Variants in ANKRD17 observed in about 807,000 individuals in gnomAD.
ANKRD17 encodes the protein ankyrin repeat domain-containing protein 17.
Under a neutral mutation model 229.7 loss-of-function variants are expected in ANKRD17, and 19 were observed. That is an observed-to-expected ratio of 0.08 (90% confidence interval 0.06 to 0.12). ANKRD17 has a LOEUF of 0.12. Ranked by LOEUF, ANKRD17 falls within the 10% of genes least tolerant of loss-of-function variation. The pLI is 1.00. For missense variants in ANKRD17, 2,176 were observed against 3,176.8 expected (o/e 0.68, Z 7.57); for synonymous variants, 1,112 against 1,146.1 (o/e 0.97, Z 0.60).
chr4:73,236,342 A>G (rs1470493933), intron 1 of ANKRD17, among the ~76,000 whole-genome samples: 1 of 152,026 alleles, frequency 6.6e-6, no homozygotes, highest in African/African-American at 2.4e-5. Context: ...TTTTGTAGAG[A>G]TGGTTACTGC....
intron 1 of ANKRD17, among the ~76,000 whole-genome samples, chr4:73,215,528 G>A (rs1740909327): frequency 1.3e-5 from 2 of 152,184 alleles, no homozygotes; most frequent in African/African-American, 4.8e-5. Context: ...AAAGTGCTGG[G>A]ATTATAGGTG....
chr4:73,089,534 A>G (rs1277232327), intron 29 of ANKRD17, among the ~76,000 whole-genome samples: 2 of 152,168 alleles, frequency 1.3e-5, no homozygotes, highest in Non-Finnish European at 2.9e-5. Context: ...GAAAAAGGAT[A>G]TTACTTGAAA....
At chr4:73,093,648 AC>A (rs955313564) in intron 28 of ANKRD17, among the ~76,000 whole-genome samples, 17 of 152,312 alleles carry the variant, frequency 1.1e-4, no homozygotes, top group African/African-American at 3.8e-4. Context: ...TGCTGGGATT[AC>A]AGGCGTGAGC....
chr4:73,204,460 A>G (rs1739179920), intron 1 of ANKRD17, among the ~76,000 whole-genome samples: 1 of 152,012 alleles, frequency 6.6e-6, no homozygotes, highest in Non-Finnish European at 1.5e-5. Flanking sequence ...AAAATAAGGG[A>G]AAATAGATAT....
intron 30 of ANKRD17, 27 bp downstream of exon 30, chr4:73,085,222 T>C (rs1721995948): frequency 6.2e-7 from 1 of 1,603,362 alleles, no homozygotes; most frequent in East Asian, 2.2e-5. Context: ...TGCAGATTCT[T>C]ATGGAATTAC....
chr4:73,246,728 C>T (rs1305982701), intron 1 of ANKRD17, among the ~76,000 whole-genome samples: 1 of 151,762 alleles, frequency 6.6e-6, no homozygotes, highest in East Asian at 1.9e-4. Context: ...GCAAGATGAC[C>T]AACAAAAAAC....
At chr4:73,122,733 T>A (rs183625544) in intron 18 of ANKRD17, among the ~76,000 whole-genome samples, 1 of 152,250 alleles carries the variant, frequency 6.6e-6, no homozygotes, top group East Asian at 1.9e-4. Flanking sequence ...ATGTCCAATT[T>A]TAGATATCAC....
chr4:73,149,856 C>T (rs181502053), intron 7 of ANKRD17, among the ~76,000 whole-genome samples: 9 of 152,084 alleles, frequency 5.9e-5, no homozygotes, highest in Admixed American at 5.9e-4. Flanking sequence ...AGAGTGAGAC[C>T]CTGTCTCAAA....
At position 73,085,433 on chromosome 4, in the gene ANKRD17, C is replaced by T; in HGVS notation, c.6975G>A (p.Met2325Ile). The T allele has an allele frequency of 6.2e-7, 1 of 1,613,584 alleles. No homozygotes were observed. The highest frequency in any genetic ancestry group is 8.5e-7 in the Non-Finnish European group (1 of 1,179,596). Residue 2325 changes from methionine to isoleucine, a missense_variant, in exon 30 of 34, where the codon ATG (methionine) becomes ATA (isoleucine). Transcript: ENST00000358602. ...PAPSPSGIVN[M>I]DSPYGSVTPS... ...GTGTTACAGAACCATATGGCGAGTC[C>T]ATATTGACAATACCTATAATGTAGA... is the stretch of plus-strand genomic sequence containing the variant.
At chr4:73,109,470 T>C (rs982964060) in intron 24 of ANKRD17, among the ~76,000 whole-genome samples, 1 of 152,080 alleles carries the variant, frequency 6.6e-6, no homozygotes, top group African/African-American at 2.4e-5. Context: ...AGATAGATGG[T>C]GTAGGTAAAG....
chr4:73,137,252 A>G (rs1729025792), intron 15 of ANKRD17, among the ~76,000 whole-genome samples: 1 of 152,154 alleles, frequency 6.6e-6, no homozygotes, highest in Non-Finnish European at 1.5e-5. Context: ...ACACATCAGA[A>G]AAGTTTTAAT....
intron 1 of ANKRD17, among the ~76,000 whole-genome samples, chr4:73,190,531 C>A (rs949290223): frequency 7.8e-5 from 7 of 90,164 alleles, no homozygotes; most frequent in African/African-American, 1.7e-4. Flanking sequence ...ACCAGAAAAA[C>A]AAAACAAATG....
chr4:73,183,780 T>A (rs1735901162), intron 1 of ANKRD17, among the ~76,000 whole-genome samples: 1 of 152,174 alleles, frequency 6.6e-6, no homozygotes, highest in Non-Finnish European at 1.5e-5. Context: ...AGTTTTTTTT[T>A]ATACGAGTCT....
intron 10 of ANKRD17, among the ~76,000 whole-genome samples, 176 bp downstream of exon 10, chr4:73,146,588 G>T (rs1304589909): frequency 6.6e-6 from 1 of 151,830 alleles, no homozygotes; most frequent in Non-Finnish European, 1.5e-5. Flanking sequence ...ATTAAGGATG[G>T]ACACTAAACA....
At position 73,258,762 on chromosome 4, in the gene ANKRD17, TGCCGCCTCC is replaced by T. The variant is rs1560800717; in HGVS notation, c.-103_-95del. On this transcript the variant is annotated 5_prime_UTR_variant, in exon 1 of 34. Coordinates refer to ENST00000358602, the MANE Select transcript of ANKRD17 (RefSeq NM_032217.5). The stretch of plus-strand genomic sequence containing the variant: ...GCACTGGGGCCGACACAGCAATCGG[TGCCGCCTCC>T]GCCGCCACCGCCTCGGTCACCTCTA... The T allele has an allele frequency of 7.6e-7, 1 of 1,319,594 alleles. No individual in the cohort carries two copies. Among genetic ancestry groups the T allele is most frequent in the Non-Finnish European group, 9.6e-7 (1 of 1,041,626 alleles). The allele number at this position is 1,319,594 out of a possible 1,614,324, so 81.7% of individuals were successfully genotyped here. A position where few individuals can be genotyped will look rare whatever the true frequency, so the allele number is the denominator to read the frequency against.
intron 1 of ANKRD17, among the ~76,000 whole-genome samples, chr4:73,233,021 C>G (rs1743199208): frequency 6.6e-6 from 1 of 152,174 alleles, no homozygotes; most frequent in African/African-American, 2.4e-5. Context: ...CTGTGCCCAG[C>G]CTTGCAATCT....
intron 1 of ANKRD17, among the ~76,000 whole-genome samples, 175 bp downstream of exon 1, chr4:73,258,101 C>A (rs1745636645): frequency 1.3e-5 from 2 of 151,962 alleles, no homozygotes; most frequent in African/African-American, 4.8e-5. Context: ...CAGCTACCCT[C>A]CCCCACATTC....
chr4:73,203,774 A>AAG (rs1553935887), intron 1 of ANKRD17, among the ~76,000 whole-genome samples: 24 of 150,872 alleles, frequency 1.6e-4, no homozygotes, highest in African/African-American at 5.6e-4. Flanking sequence ...AAAAAAAAAA[A>AAG]AAAAAGAAAA....
chr4:73,155,960 T>C (rs1426092069), intron 4 of ANKRD17, 59 bp downstream of exon 4: 4 of 1,525,020 alleles, frequency 2.6e-6, no homozygotes, highest in Non-Finnish European at 3.5e-6. Flanking sequence ...ATTATTTCCT[T>C]AGTAAGCAAG....
Sources: allele counts gnomAD v4.1 joint callset (sites outside exome capture counted in the v4.1 genomes callset), GRCh38; gene constraint gnomAD v4.1.1; transcripts MANE v1.5; gene names NCBI Gene and HGNC (gene_info 2026-07-23, HGNC 2026-07-21).